CILK1: variants seen among roughly 807,000 people sequenced by gnomAD.
CILK1 encodes the protein serine/threonine-protein kinase ICK.
A neutral mutation model predicts 79.2 loss-of-function variants in CILK1; 47 were observed. The observed-to-expected ratio is 0.59, with a 90% CI of 0.47 to 0.76. The LOEUF is 0.76. Ranked by LOEUF, CILK1 falls within the 30% of genes least tolerant of loss-of-function variation. The pLI is 0.00. For missense variants in CILK1, 660 were observed against 769.5 expected (o/e 0.86, Z 1.68); for synonymous variants, 266 against 275.9 (o/e 0.96, Z 0.36).
At chr6:53,034,953 A>C (rs1766209659) in intron 3 of CILK1, among the ~76,000 whole-genome samples, 1 of 152,032 alleles carries the variant, frequency 6.6e-6, no homozygotes, top group Non-Finnish European at 1.5e-5. Flanking sequence ...ATGGAAACTG[A>C]GTGGAGGACT....
chr6:53,008,073 CTCTT>C (rs1203958360), intron 12 of CILK1, among the ~76,000 whole-genome samples: 2 of 151,692 alleles, frequency 1.3e-5, no homozygotes, highest in Admixed American at 6.6e-5. Flanking sequence ...CATCTCAGCA[CTCTT>C]TCTAATAGCA....
In CILK1 at chr6:53,037,966, C is replaced by T. The variant is rs780669249; in HGVS notation, c.129G>A (p.Glu43=). ...KKMKRKFYSW[E]ECMNLREVKS... ...TAACCTCCCGAAGGTTCATGCATTC[C>T]TCCCAGGAATAAAATTTTCTTTTCA... Residue 43 remains glutamate, a synonymous_variant, in exon 3 of 14, where the codon GAG becomes GAA. Transcript: ENST00000676107. 1.9e-6 allele frequency: 3 copies of T among 1,594,182 alleles called. No individual in the cohort carries two copies. Among genetic ancestry groups the T allele is most frequent in the East Asian group, 2.2e-5 (1 of 44,746 alleles).
chr6:53,051,737 G>GT (rs1242785964), intron 1 of CILK1, among the ~76,000 whole-genome samples: 1 of 152,104 alleles, frequency 6.6e-6, no homozygotes, highest in Non-Finnish European at 1.5e-5. Context: ...TTAGAACCTG[G>GT]TATCTTTGCA....
In CILK1 at chr6:53,001,822, G is replaced by A. The variant is rs1763959630; in HGVS notation, c.*3327C>T. 1.3e-5 allele frequency: 2 copies of A among 152,566 alleles called. No homozygotes were observed. The highest frequency in any genetic ancestry group is 4.8e-5 in the African/African-American group (2 of 41,434). The allele number at this position is 152,566 out of a possible 1,614,324, so 9.5% of individuals were successfully genotyped here. A position where few individuals can be genotyped will look rare whatever the true frequency, so the allele number is the denominator to read the frequency against. ...TCAAACATCTTCTTATAAACATATTGCTTTTGGTCATACACTGAACTGAAA... is the reference window on the plus strand; with the variant it reads ...TCAAACATCTTCTTATAAACATATTACTTTTGGTCATACACTGAACTGAAA... On this transcript the variant is annotated 3_prime_UTR_variant, in exon 14 of 14. Coordinates refer to ENST00000676107, the MANE Select transcript of CILK1 (RefSeq NM_014920.5).
chr6:53,024,399 G>A lies in CILK1; in HGVS notation c.359-5040C>T, dbSNP rs1581708689. Among the ~76,000 whole-genome samples, 6 of 152,308 alleles carry A rather than the reference G, an allele frequency of 3.9e-5. 1 individual carries two copies. The highest frequency in any genetic ancestry group is 3.9e-4 in the Admixed American group (6 of 15,298). On this transcript the variant is annotated intron_variant, in intron 5 of 13. Transcript: ENST00000676107. ...GATGCTTATGATCAGCCTAATTAAA[G>A]ATTTATTCATGCCCACCACAGTGGG...
chr6:53,024,683 G>C (rs1042654151), intron 5 of CILK1, among the ~76,000 whole-genome samples: 1 of 152,148 alleles, frequency 6.6e-6, no homozygotes, highest in Non-Finnish European at 1.5e-5. Context: ...AAAAAGGAAT[G>C]GCAAGCATCA....
chr6:53,033,168 A>G (rs1474211656), intron 3 of CILK1, among the ~76,000 whole-genome samples: 1 of 152,224 alleles, frequency 6.6e-6, no homozygotes, highest in Non-Finnish European at 1.5e-5. Flanking sequence ...TGAGGCATAG[A>G]GCACTCCTTC....
At chr6:53,060,479 G>A (rs7774904) in intron 1 of CILK1, among the ~76,000 whole-genome samples, 11,095 of 152,178 alleles carry the variant, frequency 0.073, 1,038 homozygotes, top group African/African-American at 0.21. Context: ...TAAAAAGTGG[G>A]CAGAGTCACT....
intron 1 of CILK1, among the ~76,000 whole-genome samples, chr6:53,057,446 T>G (rs980255917): frequency 6.6e-6 from 1 of 151,958 alleles, no homozygotes; most frequent in Admixed American, 6.5e-5. Flanking sequence ...TCAAAAAAAG[T>G]GAGTTAGGAT....
Position 53,005,160 on chromosome 6 carries a change from A to AT in CILK1, c.1887dup (p.Ser630IlefsTer49). On this transcript the variant is annotated frameshift_variant, in exon 14 of 14. Transcript: ENST00000676107. LOFTEE classifies it high-confidence loss of function. ...ACCAAGGCAGACAGTCATCGCCGAG[A>AT]TGCGTACTTGGAAGCCCAGTCTGTC... 6.2e-7 allele frequency: 1 copy of AT among 1,614,158 alleles called. No homozygotes were observed. Among genetic ancestry groups the AT allele is most frequent in the Non-Finnish European group, 8.5e-7 (1 of 1,180,032 alleles).
chr6:53,016,229 G>T lies in CILK1; in HGVS notation c.685C>A (p.Gln229Lys). 10 of 1,614,062 alleles carry T rather than the reference G, an allele frequency of 6.2e-6. No homozygotes were observed. Among genetic ancestry groups the T allele is most frequent in the Non-Finnish European group, 8.5e-6 (10 of 1,179,926 alleles). The change falls in exon 8 of 14, where the codon CAA (glutamine) becomes AAA (lysine). Residue 229 changes from glutamine to lysine, a missense_variant. Gln to Lys is a moderately conservative substitution (Grantham distance 53). Coordinates refer to ENST00000676107, the MANE Select transcript of CILK1 (RefSeq NM_014920.5). ...PKKTDWPEGY[Q>K]LSSAMNFRWP... Reference sequence around the variant, plus strand: ...CGGAAGTTCATTGCACTTGAAAGTTGATAGCCTTCAGGCCAGTCAGTCTGA... The same window carrying T: ...CGGAAGTTCATTGCACTTGAAAGTTTATAGCCTTCAGGCCAGTCAGTCTGA...
intron 12 of CILK1, among the ~76,000 whole-genome samples, chr6:53,008,048 T>C (rs1764336322): frequency 6.6e-6 from 1 of 151,696 alleles, no homozygotes; most frequent in South Asian, 2.1e-4. Flanking sequence ...TGCATAACAA[T>C]AGGGGTACAA....
At chr6:53,041,723 C>CA (rs964838152) in intron 1 of CILK1, among the ~76,000 whole-genome samples, 3 of 152,142 alleles carry the variant, frequency 2.0e-5, no homozygotes, top group Non-Finnish European at 4.4e-5. Flanking sequence ...TCTCCAGGTG[C>CA]ACACTAGGTG....
At chr6:53,027,655 A>G (rs1256398433) in intron 5 of CILK1, among the ~76,000 whole-genome samples, 2 of 152,216 alleles carry the variant, frequency 1.3e-5, no homozygotes, top group East Asian at 3.8e-4. Flanking sequence ...GCACTTAACC[A>G]AAGTCAATAC....
intron 1 of CILK1, among the ~76,000 whole-genome samples, chr6:53,047,958 T>C (rs558949710): frequency 1.4e-4 from 22 of 152,150 alleles, no homozygotes; most frequent in Non-Finnish European, 2.6e-4. Flanking sequence ...AATAAGCAAA[T>C]AGCTCTAAGG....
intron 5 of CILK1, among the ~76,000 whole-genome samples, chr6:53,019,660 A>G (rs928848775): frequency 1.3e-5 from 2 of 152,116 alleles, no homozygotes; most frequent in Non-Finnish European, 2.9e-5. Context: ...GCAAAAATAA[A>G]CTGTCACTCA....
chr6:53,024,992 C>T (rs1765483014), intron 5 of CILK1, among the ~76,000 whole-genome samples: 1 of 151,902 alleles, frequency 6.6e-6, no homozygotes, highest in Non-Finnish European at 1.5e-5. Context: ...ACCACCATGC[C>T]CGGCTAATTT....
chr6:53,046,660 G>A (rs1767096548), intron 1 of CILK1, among the ~76,000 whole-genome samples: 1 of 152,306 alleles, frequency 6.6e-6, no homozygotes, highest in African/African-American at 2.4e-5. Context: ...GATCAGACTA[G>A]TGTCTCTTCA....
At chr6:53,024,511 T>C (rs961307355) in intron 5 of CILK1, among the ~76,000 whole-genome samples, 5 of 152,186 alleles carry the variant, frequency 3.3e-5, no homozygotes, top group South Asian at 2.1e-4. Context: ...GAAGGCCTGA[T>C]TGTGTGTTTC....
Sources: allele counts gnomAD v4.1 joint callset (sites outside exome capture counted in the v4.1 genomes callset), GRCh38; gene constraint gnomAD v4.1.1; transcripts MANE v1.5; gene names NCBI Gene and HGNC (gene_info 2026-07-23, HGNC 2026-07-21).